The following CFAP54 variants were observed in gnomAD, a reference collection of about 807,000 sequenced individuals.
CFAP54 encodes cilia and flagella associated protein 54.
A neutral mutation model predicts 370.4 loss-of-function variants in CFAP54; 290 were observed. That is an observed-to-expected ratio of 0.78 (90% CI 0.71 to 0.86). CFAP54 has a LOEUF of 0.86. Among genes scored for constraint, CFAP54 ranks in the 40% least tolerant of loss-of-function variants. The pLI is 0.00. For synonymous variants in CFAP54, 1,206 were observed against 1,236.5 expected (o/e 0.98, Z 0.52); for missense variants, 3,399 against 3,528.7 (o/e 0.96, Z 0.93).
At chr12:96,518,050 T>C (rs1381078597) in intron 5 of CFAP54, among the ~76,000 whole-genome samples, 1 of 152,238 alleles carries the variant, frequency 6.6e-6, no homozygotes, top group East Asian at 1.9e-4. Context: ...GCATGTCATG[T>C]ACGTTGTCAC....
intron 15 of CFAP54, among the ~76,000 whole-genome samples, chr12:96,550,350 G>A (rs1234647280): frequency 6.6e-6 from 1 of 152,182 alleles, no homozygotes; most frequent in Non-Finnish European, 1.5e-5. Flanking sequence ...GCCGAGGTGG[G>A]CAGATCACTT....
At chr12:96,847,147 A>G (rs1004271750) in intron 66 of CFAP54, among the ~76,000 whole-genome samples, 2 of 152,158 alleles carry the variant, frequency 1.3e-5, no homozygotes, top group Non-Finnish European at 2.9e-5. Context: ...TATGATAACC[A>G]ATTTATAAAG....
At chr12:96,594,005 A>T (rs1017733642) in intron 24 of CFAP54, among the ~76,000 whole-genome samples, 1 of 152,114 alleles carries the variant, frequency 6.6e-6, no homozygotes, top group African/African-American at 2.4e-5. Context: ...TAGATTTTTT[A>T]AACATAAAAA....
At chr12:96,641,279 A>G (rs907105249) in intron 32 of CFAP54, among the ~76,000 whole-genome samples, 23 of 152,370 alleles carry the variant, frequency 1.5e-4, no homozygotes, top group African/African-American at 5.5e-4. Context: ...ATATGAACAG[A>G]CACTTCTCAA....
chr12:96,841,957 G>C (rs891635616), intron 66 of CFAP54, among the ~76,000 whole-genome samples: 2 of 152,194 alleles, frequency 1.3e-5, no homozygotes, highest in African/African-American at 4.8e-5. Context: ...AACACATTTA[G>C]TATAGTGCCA....
rs576541009 is a variant in CFAP54, at chr12:96,621,039, C to CT, written c.3640-549dup. On this transcript the variant is annotated intron_variant, in intron 26 of 67. Coordinates refer to ENST00000524981, the MANE Select transcript of CFAP54 (RefSeq NM_001306084.2). Reference sequence around the variant, plus strand: ...GGGATGTGAGAGGCTAAATAGGCCTCTTCCCCTTACGACTACAGTGCACAC... The same window carrying CT: ...GGGATGTGAGAGGCTAAATAGGCCTCTTTCCCCTTACGACTACAGTGCACAC... 6.3e-4 allele frequency among the ~76,000 whole-genome samples: 96 copies of CT among 152,336 alleles called. No individual in the cohort carries two copies. In the East Asian group the frequency reaches 0.017, roughly 27 times the overall value.
chr12:96,628,599 T>C (rs558071444), intron 30 of CFAP54, among the ~76,000 whole-genome samples: 254 of 152,326 alleles, frequency 1.7e-3, no homozygotes, highest in Admixed American at 4.3e-3. Context: ...AAGTCCCTTA[T>C]GGTCATTGAT....
intron 36 of CFAP54, among the ~76,000 whole-genome samples, chr12:96,656,342 G>C (rs1956922985): frequency 6.6e-6 from 1 of 151,744 alleles, no homozygotes; most frequent in Non-Finnish European, 1.5e-5. Context: ...CTGAGAGATG[G>C]GTGCTGAACA....
intron 6 of CFAP54, 102 bp downstream of exon 6, chr12:96,519,173 A>G (rs986007934): frequency 2.6e-6 from 3 of 1,154,180 alleles, no homozygotes; most frequent in Non-Finnish European, 1.2e-6. Flanking sequence ...ATCTCGGCTC[A>G]CTGCAACGTC....
intron 50 of CFAP54, among the ~76,000 whole-genome samples, chr12:96,729,660 C>T (rs1957893061): frequency 6.6e-6 from 1 of 152,202 alleles, no homozygotes; most frequent in East Asian, 1.9e-4. Context: ...AATGCCTCAC[C>T]CTGCTTCAGC....
chr12:96,730,084 C>G (rs1370383632), intron 50 of CFAP54, among the ~76,000 whole-genome samples: 3 of 152,152 alleles, frequency 2.0e-5, no homozygotes, highest in Non-Finnish European at 4.4e-5. Flanking sequence ...ACAGAATAGT[C>G]TCTGGAGGCT....
At chr12:96,698,841 G>A (rs1212796892) in intron 45 of CFAP54, among the ~76,000 whole-genome samples, 1 of 152,216 alleles carries the variant, frequency 6.6e-6, no homozygotes, top group Non-Finnish European at 1.5e-5. Context: ...AACAAGAAAA[G>A]AATGAAAGCA....
intron 39 of CFAP54, 23 bp downstream of exon 39, chr12:96,663,955 A>G (rs1957026284): frequency 4.5e-6 from 7 of 1,547,594 alleles, no homozygotes; most frequent in Non-Finnish European, 5.3e-6. Context: ...CTTAGCTTGA[A>G]TGTTTGTTTT....
intron 55 of CFAP54, among the ~76,000 whole-genome samples, chr12:96,746,074 C>T (rs1458123459): frequency 2.0e-5 from 3 of 152,124 alleles, no homozygotes; most frequent in Non-Finnish European, 4.4e-5. Context: ...ATCAATGCTG[C>T]TGAGCCTTTT....
chr12:96,844,463 C>T (rs1205300171), intron 66 of CFAP54, among the ~76,000 whole-genome samples: 4 of 152,108 alleles, frequency 2.6e-5, no homozygotes, highest in Admixed American at 2.0e-4. Context: ...GGAACCAGCC[C>T]GGCTGACACC....
intron 4 of CFAP54, among the ~76,000 whole-genome samples, chr12:96,511,392 C>G (rs986004024): frequency 1.3e-5 from 2 of 152,196 alleles, no homozygotes; most frequent in African/African-American, 4.8e-5. Context: ...AATCTTGGCT[C>G]ACTGCAATCT....
intron 39 of CFAP54, among the ~76,000 whole-genome samples, chr12:96,671,808 G>C (rs1465851075): frequency 6.6e-6 from 1 of 152,114 alleles, no homozygotes; most frequent in Non-Finnish European, 1.5e-5. Context: ...TGTAATCCCA[G>C]CTACTCGGGA....
At chr12:96,563,310 A>G (rs969217404) in intron 17 of CFAP54, among the ~76,000 whole-genome samples, 1 of 152,156 alleles carries the variant, frequency 6.6e-6, no homozygotes, top group East Asian at 1.9e-4. Flanking sequence ...TTGAATTGCC[A>G]TCCTAGCACA....
At chr12:96,859,059 C>T (rs941566205) in intron 66 of CFAP54, among the ~76,000 whole-genome samples, 1 of 152,076 alleles carries the variant, frequency 6.6e-6, no homozygotes, top group Non-Finnish European at 1.5e-5. Context: ...AAAACAGGCA[C>T]ATAGACCAAT....
Sources: allele counts gnomAD v4.1 joint callset (sites outside exome capture counted in the v4.1 genomes callset), GRCh38; gene constraint gnomAD v4.1.1; transcripts MANE v1.5; gene names NCBI Gene and HGNC (gene_info 2026-07-23, HGNC 2026-07-21).